Variants in SLC26A7 observed in about 807,000 individuals in gnomAD.
SLC26A7 encodes the protein anion exchange transporter.
In SLC26A7, 59 loss-of-function variants were observed where a neutral mutation model predicts 82.5. That is an observed-to-expected ratio of 0.72 (90% CI 0.58 to 0.89). SLC26A7 has a LOEUF of 0.89. Among genes scored for constraint, SLC26A7 ranks in the 40% least tolerant of loss-of-function variants. SLC26A7 has a pLI of 0.00. For missense variants in SLC26A7, 820 were observed against 793.0 expected, an observed-to-expected ratio of 1.03 and a Z score of -0.41; for synonymous variants, 271 against 274.3, an observed-to-expected ratio of 0.99 and a Z score of 0.12.
chr8:91,329,698 A>G (rs1813026618), intron 5 of SLC26A7, among the ~76,000 whole-genome samples: 1 of 152,150 alleles, frequency 6.6e-6, no homozygotes, highest in Admixed American at 6.6e-5. Context: ...ATATTCTCTA[A>G]ATGCTTTAAA....
intron 5 of SLC26A7, among the ~76,000 whole-genome samples, chr8:91,327,783 A>G (rs898896209): frequency 2.0e-5 from 3 of 152,152 alleles, no homozygotes; most frequent in African/African-American, 7.2e-5. Context: ...CTTATTTATC[A>G]CAGATCTTTA....
At position 91,338,872 on chromosome 8, in the gene SLC26A7, C is replaced by T. The variant is rs558210051; in HGVS notation, c.878+640C>T. Among the ~76,000 whole-genome samples the T allele has an allele frequency of 4.6e-5, 7 of 152,220 alleles. No individual in the cohort carries two copies. The South Asian group carries it at 1.0e-3, about 23-fold the overall frequency. Reference sequence around the variant, plus strand: ...TATTCACTTTGAATGGGCTGCATTACATGTACACTGATAATTGTAAATTTG... The same window carrying T: ...TATTCACTTTGAATGGGCTGCATTATATGTACACTGATAATTGTAAATTTG... On this transcript the variant is annotated intron_variant, in intron 7 of 18. Coordinates refer to ENST00000276609, the MANE Select transcript of SLC26A7 (RefSeq NM_052832.4).
intron 5 of SLC26A7, among the ~76,000 whole-genome samples, chr8:91,333,305 G>A (rs1813145318): frequency 6.6e-6 from 1 of 152,124 alleles, no homozygotes; most frequent in Non-Finnish European, 1.5e-5. Flanking sequence ...AAGATTGAGT[G>A]TTTGATATTA....
At chr8:91,368,831 G>C (rs1259853821) in intron 14 of SLC26A7, among the ~76,000 whole-genome samples, 1 of 152,196 alleles carries the variant, frequency 6.6e-6, no homozygotes, top group Admixed American at 6.5e-5. Flanking sequence ...GCCCTGAGAT[G>C]TAAGTGGCAT....
chr8:91,356,132 T>C (rs1176229991), intron 11 of SLC26A7, among the ~76,000 whole-genome samples: 2 of 152,238 alleles, frequency 1.3e-5, no homozygotes, highest in Non-Finnish European at 2.9e-5. Flanking sequence ...CTATCATTGT[T>C]GGACATTTGG....
chr8:91,282,130 T>G (rs1388243098), intron 2 of SLC26A7, among the ~76,000 whole-genome samples: 1 of 152,120 alleles, frequency 6.6e-6, no homozygotes, highest in Non-Finnish European at 1.5e-5. Flanking sequence ...CCACTTAAGT[T>G]AGTTCTAATC....
chr8:91,247,205 A>G (rs185474049), upstream of SLC26A7, among the ~76,000 whole-genome samples: 140 of 152,356 alleles, frequency 9.2e-4, 1 homozygote, highest in African/African-American at 3.2e-3. Context: ...TAATCCATGT[A>G]TGAAGTAGAA....
intron 9 of SLC26A7, among the ~76,000 whole-genome samples, chr8:91,347,251 C>T (rs562067692): frequency 5.9e-5 from 9 of 152,280 alleles, no homozygotes; most frequent in Admixed American, 1.3e-4. Flanking sequence ...CTTAATGTTG[C>T]ACATTTACAG....
intron 2 of SLC26A7, among the ~76,000 whole-genome samples, chr8:91,257,994 CAG>C (rs1033111711): frequency 2.3e-4 from 35 of 152,020 alleles, no homozygotes; most frequent in African/African-American, 7.7e-4. Flanking sequence ...GGGGAAATGC[CAG>C]ACACTTATAA....
chr8:91,356,140 T>A (rs1261097167), intron 11 of SLC26A7, among the ~76,000 whole-genome samples: 1 of 152,218 alleles, frequency 6.6e-6, no homozygotes, highest in Non-Finnish European at 1.5e-5. Flanking sequence ...GTTGGACATT[T>A]GGGTTGGTTC....
intron 2 of SLC26A7, among the ~76,000 whole-genome samples, chr8:91,279,137 A>ATATATATATATATATG (rs1554603795): frequency 2.1e-4 from 21 of 100,390 alleles, no homozygotes; most frequent in African/African-American, 3.6e-4. Flanking sequence ...ATATATATAT[A>ATATATATATATATATG]TATATATATA....
intron 6 of SLC26A7, among the ~76,000 whole-genome samples, chr8:91,335,954 T>C (rs771736115): frequency 5.9e-5 from 9 of 152,080 alleles, no homozygotes; most frequent in Non-Finnish European, 8.8e-5. Context: ...AGGGGATTCA[T>C]ATGTGTATGT....
At chr8:91,235,092 T>A (rs185197520) in intron 2 of SLC26A7, among the ~76,000 whole-genome samples, 51 of 152,128 alleles carry the variant, frequency 3.4e-4, no homozygotes, top group African/African-American at 7.5e-4. Context: ...GCTAATTTTT[T>A]AAAAATTTTT....
intron 6 of SLC26A7, among the ~76,000 whole-genome samples, chr8:91,334,769 G>A (rs1378269701): frequency 1.3e-5 from 2 of 152,184 alleles, no homozygotes; most frequent in Non-Finnish European, 2.9e-5. Context: ...AATGTCTCTG[G>A]CATGATCTTC....
At chr8:91,337,303 T>C (rs1813270058) in intron 6 of SLC26A7, among the ~76,000 whole-genome samples, 1 of 152,216 alleles carries the variant, frequency 6.6e-6, no homozygotes, top group South Asian at 2.1e-4. Context: ...ATCCTTTTTT[T>C]CTGGCCATGT....
chr8:91,256,366 C>T (rs904717798), intron 2 of SLC26A7, among the ~76,000 whole-genome samples: 1 of 152,072 alleles, frequency 6.6e-6, no homozygotes, highest in Admixed American at 6.6e-5. Flanking sequence ...TGGCCAGTGA[C>T]TGATTCAAGA....
rs1812300900 is a variant in SLC26A7 at position 91,306,167 on chromosome 8, T to C, written c.477+10464T>C. ...CTGTCCTGTTTGATCCTCATACTCT[T>C]CCCTCCTTTTTGAATGCTTTCTAAT... On this transcript the variant is annotated intron_variant, in intron 4 of 18. Coordinates refer to ENST00000276609, the MANE Select transcript of SLC26A7 (RefSeq NM_052832.4). Among the ~76,000 whole-genome samples, 4 of 152,162 alleles carry C rather than the reference T, an allele frequency of 2.6e-5. No individual in the cohort carries two copies. The South Asian group carries it at 8.3e-4, about 31-fold the overall frequency.
rs534281109 is a variant in SLC26A7 at position 91,274,853 on chromosome 8, T to G, written c.194-14283T>G. ...AAGAAGATAAGGAGGTGGAGAACATTAGCTTTGCAAGAAATCTTTCAAAAA... is the reference window on the plus strand; with the variant it reads ...AAGAAGATAAGGAGGTGGAGAACATGAGCTTTGCAAGAAATCTTTCAAAAA... On this transcript the variant is annotated intron_variant, in intron 2 of 18. Coordinates refer to ENST00000276609, the MANE Select transcript of SLC26A7 (RefSeq NM_052832.4). 2.0e-5 allele frequency among the ~76,000 whole-genome samples: 3 copies of G among 152,316 alleles called. No homozygotes were observed. In the South Asian group the frequency reaches 6.2e-4, roughly 32 times the overall value.
At position 91,340,500 on chromosome 8, in the gene SLC26A7, T is replaced by C. The variant is rs768349832; in HGVS notation, c.975T>C (p.Ala325=). The C allele has an allele frequency of 2.5e-6, 4 of 1,614,004 alleles. No homozygotes were observed. The East Asian group carries it at 8.9e-5, about 36-fold the overall frequency. ...TTGTAGGCTATGTGGCCTCACTGGC[T>C]CTTGCTCAAGGATCTGCCAAAAAAT... ...VALVGYVASL[A]LAQGSAKKFK... The change falls in exon 8 of 19, where the codon GCT becomes GCC. Residue 325 remains alanine, a synonymous_variant. Coordinates refer to ENST00000276609, the MANE Select transcript of SLC26A7 (RefSeq NM_052832.4).
Sources: allele counts gnomAD v4.1 joint callset (sites outside exome capture counted in the v4.1 genomes callset), GRCh38; gene constraint gnomAD v4.1.1; transcripts MANE v1.5; gene names NCBI Gene and HGNC (gene_info 2026-07-23, HGNC 2026-07-21).